The following SACM1L variants were observed in gnomAD, a reference collection of about 807,000 sequenced individuals.
SACM1L encodes the protein phosphatidylinositol-3-phosphatase SAC1.
A neutral mutation model predicts 89.5 loss-of-function variants in SACM1L; 32 were observed. The observed-to-expected ratio is 0.36, with a 90% CI of 0.27 to 0.48. The LOEUF is 0.48. SACM1L is among the 20% of genes least tolerant of loss of function. SACM1L has a pLI of 0.99. For missense variants in SACM1L, 543 were observed against 708.5 expected, an observed-to-expected ratio of 0.77 and a Z score of 2.65; for synonymous variants, 213 against 232.8, an observed-to-expected ratio of 0.92 and a Z score of 0.77.
intron 5 of SACM1L, among the ~76,000 whole-genome samples, chr3:45,710,150 C>G (rs1245877339): frequency 6.6e-6 from 1 of 151,474 alleles, no homozygotes; most frequent in African/African-American, 2.4e-5. Context: ...AAAAATGTAA[C>G]AAAAGTCACT....
At position 45,704,791 on chromosome 3, in the gene SACM1L, G is replaced by C. The variant is rs1173886000; in HGVS notation, c.131-344G>C. 2.6e-5 allele frequency among the ~76,000 whole-genome samples: 4 copies of C among 152,150 alleles called. No homozygotes were observed. In the East Asian group the frequency reaches 7.7e-4, roughly 29 times the overall value. ...AAGACACATGATAAAATACTTCCAC[G>C]CAAAGTCAGTACTGATGAGCGACTG... is the stretch of plus-strand genomic sequence containing the variant. On this transcript the variant is annotated intron_variant, in intron 2 of 19. Transcript: ENST00000389061.
At chr3:45,712,212 T>C (rs1698546000) in intron 5 of SACM1L, among the ~76,000 whole-genome samples, 1 of 152,162 alleles carries the variant, frequency 6.6e-6, no homozygotes. Context: ...ATAAATAGAA[T>C]TGATTAATCT....
In SACM1L at chr3:45,709,613, G is replaced by C; in HGVS notation, c.449G>C (p.Ser150Thr). 3 of 1,613,362 alleles carry C rather than the reference G, an allele frequency of 1.9e-6. No individual in the cohort carries two copies. The highest frequency in any genetic ancestry group is 2.5e-6 in the Non-Finnish European group (3 of 1,179,734). ...ACTTTGCAGCGGCTATCCAACACTA[G>C]TCCTGAATTCCAAGAAATGAGTCTC... ...THTLQRLSNTSPEFQEMSLLE... is the reference protein window; with the variant it reads ...THTLQRLSNTTPEFQEMSLLE... The change falls in exon 5 of 20, where the codon AGT becomes ACT. Residue 150 changes from serine (S) to threonine (T), a missense_variant. By Grantham distance (58) the Ser-to-Thr change is moderately conservative. Coordinates refer to ENST00000389061, the MANE Select transcript of SACM1L (RefSeq NM_014016.5).
At chr3:45,732,368 C>A (rs1699094489) in intron 13 of SACM1L, among the ~76,000 whole-genome samples, 1 of 152,218 alleles carries the variant, frequency 6.6e-6, no homozygotes, top group African/African-American at 2.4e-5. Flanking sequence ...GGCCAGATAT[C>A]TTCATATTTT....
chr3:45,692,765 C>T (rs1273372976), intron 1 of SACM1L, among the ~76,000 whole-genome samples: 3 of 152,146 alleles, frequency 2.0e-5, no homozygotes, highest in East Asian at 1.9e-4. Context: ...CAAATGTTTA[C>T]ATGATTTATG....
At chr3:45,722,756 T>C (rs1698816413) in intron 9 of SACM1L, 113 bp from the exon 10 acceptor site, 2 of 669,120 alleles carry the variant, frequency 3.0e-6, no homozygotes, top group East Asian at 5.7e-5. Flanking sequence ...GTCGGTAGAT[T>C]GTATTAGTTT....
chr3:45,731,456 T>C, intron 12 of SACM1L, 76 bp downstream of exon 12: 2 of 857,654 alleles, frequency 2.3e-6, no homozygotes, highest in Non-Finnish European at 3.6e-6. Context: ...TACATAGAGC[T>C]CACTAGACAT....
At chr3:45,731,434 T>C in intron 12 of SACM1L, 54 bp downstream of exon 12, 2 of 1,174,486 alleles carry the variant, frequency 1.7e-6, no homozygotes, top group Non-Finnish European at 2.5e-6. Context: ...TGCACTTACA[T>C]ATATGCATGA....
In SACM1L at chr3:45,737,564, G is replaced by A; in HGVS notation, c.1240-19G>A. 1 of 1,588,842 alleles carries A rather than the reference G, an allele frequency of 6.3e-7. No homozygotes were observed. Among genetic ancestry groups the A allele is most frequent in the South Asian group, 1.2e-5 (1 of 85,834 alleles). On this transcript the variant is annotated intron_variant, in intron 14 of 19. Transcript: ENST00000389061. ...TAAAATCTATTACACATAAATCTGG[G>A]TGTGGTTTTTTATTCCAGAGACTAG...
chr3:45,719,698 A>T, intron 8 of SACM1L, 97 bp downstream of exon 8: 1 of 665,386 alleles, frequency 1.5e-6, no homozygotes, highest in Non-Finnish European at 2.5e-6. Context: ...TTTCATTATC[A>T]TTTGATAGCC....
intron 7 of SACM1L, among the ~76,000 whole-genome samples, chr3:45,716,252 T>C (rs1445776181): frequency 2.6e-5 from 4 of 151,986 alleles, no homozygotes. Flanking sequence ...AGCAGGAGGA[T>C]CCTTTGAGGC....
intron 13 of SACM1L, among the ~76,000 whole-genome samples, chr3:45,733,042 T>A (rs950026893): frequency 5.9e-5 from 9 of 152,246 alleles, no homozygotes; most frequent in Non-Finnish European, 1.5e-5. Context: ...GAAATTGACC[T>A]CCTGTTGTTG....
In SACM1L at chr3:45,722,969, A is replaced by G; in HGVS notation, c.852+14A>G. On this transcript the variant is annotated intron_variant, in intron 10 of 19. Transcript: ENST00000389061. ...GTAGCAAATCACGTGTGTATCTTGC[A>G]TGCCTTTTTTGTTGGTTAAAAATAG... 1.9e-6 allele frequency: 3 copies of G among 1,599,294 alleles called. No individual in the cohort carries two copies. The highest frequency in any genetic ancestry group is 2.6e-6 in the Non-Finnish European group (3 of 1,167,666).
intron 4 of SACM1L, among the ~76,000 whole-genome samples, chr3:45,708,773 A>G (rs1415163759): frequency 6.6e-6 from 1 of 152,196 alleles, no homozygotes; most frequent in Non-Finnish European, 1.5e-5. Flanking sequence ...AATTTTGTAT[A>G]TGTAGATTTG....
intron 1 of SACM1L, among the ~76,000 whole-genome samples, chr3:45,699,773 C>G (rs2125683453): frequency 6.6e-6 from 1 of 152,322 alleles, no homozygotes; most frequent in East Asian, 1.9e-4. Flanking sequence ...CTGCCCGCTT[C>G]CACCTCCTAA....
intron 5 of SACM1L, among the ~76,000 whole-genome samples, chr3:45,712,393 G>T (rs932618337): frequency 6.6e-6 from 1 of 152,052 alleles, no homozygotes; most frequent in Admixed American, 6.5e-5. Context: ...CTACAGACAC[G>T]TGCTACCACG....
intron 1 of SACM1L, among the ~76,000 whole-genome samples, chr3:45,700,645 C>G (rs1280560552): frequency 1.3e-5 from 2 of 152,068 alleles, no homozygotes; most frequent in Non-Finnish European, 2.9e-5. Flanking sequence ...TCAGTTCTAT[C>G]TCTTTTTATT....
At chr3:45,711,330 G>A (rs1220397784) in intron 5 of SACM1L, among the ~76,000 whole-genome samples, 1 of 152,018 alleles carries the variant, frequency 6.6e-6, no homozygotes, top group Non-Finnish European at 1.5e-5. Flanking sequence ...TGTTTTGTCA[G>A]CTAAACAGAA....
intron 4 of SACM1L, 46 bp downstream of exon 4, chr3:45,706,953 C>G: frequency 6.3e-7 from 1 of 1,592,238 alleles, no homozygotes; most frequent in Admixed American, 1.7e-5. Context: ...AAAGAAGTAG[C>G]ATGGGCTGGG....
Sources: allele counts gnomAD v4.1 joint callset (sites outside exome capture counted in the v4.1 genomes callset), GRCh38; gene constraint gnomAD v4.1.1; transcripts MANE v1.5; gene names NCBI Gene and HGNC (gene_info 2026-07-23, HGNC 2026-07-21).